CREBBP: variants seen among roughly 807,000 people sequenced by gnomAD.
The protein encoded by CREBBP is CREB binding lysine acetyltransferase, also known as CREB-binding protein.
Under a neutral mutation model 265.0 loss-of-function variants are expected in CREBBP, and 19 were observed. The ratio of observed to expected loss-of-function variants is 0.07; its 90% CI spans 0.05 to 0.11. The LOEUF (loss-of-function observed/expected upper bound fraction) is 0.11. Among genes scored for constraint, CREBBP ranks in the 10% least tolerant of loss-of-function variants. The probability of loss-of-function intolerance (pLI) is 1.00; values close to 1 mark genes in which losing one functional copy is unlikely to be tolerated. For missense variants in CREBBP, 2,525 were observed against 3,219.0 expected (o/e 0.78, Z 5.22); for synonymous variants, 1,457 against 1,223.7 (o/e 1.19, Z -3.98).
chr16:3,834,396 C>G (rs2054401735), intron 2 of CREBBP, among the ~76,000 whole-genome samples: 11 of 152,102 alleles, frequency 7.2e-5, no homozygotes, highest in Admixed American at 7.2e-4. Flanking sequence ...CATGAAAAGA[C>G]CCAGAGGAAC....
At chr16:3,792,697 G>A (rs578188866) in intron 4 of CREBBP, among the ~76,000 whole-genome samples, 2 of 152,380 alleles carry the variant, frequency 1.3e-5, no homozygotes, top group East Asian at 1.9e-4. Flanking sequence ...AGACCAGGGG[G>A]AGATTCCCCT....
intron 3 of CREBBP, among the ~76,000 whole-genome samples, chr16:3,808,536 C>T (rs2053876038): frequency 6.6e-6 from 1 of 152,224 alleles, no homozygotes; most frequent in South Asian, 2.1e-4. Flanking sequence ...AGGGAATGAG[C>T]AGCCTCTTTG....
chr16:3,727,634 A>C lies in CREBBP; in HGVS notation c.*84T>G. The C allele has an allele frequency of 1.2e-6, 2 of 1,611,368 alleles. No homozygotes were observed. Among genetic ancestry groups the C allele is most frequent in the Non-Finnish European group, 1.7e-6 (2 of 1,179,126 alleles). ...TGGCTCGGAAGTCGCAGTTCCATCTAGGAATAAAAAGAACCTAGATGCCTG... is the reference window on the plus strand; with the variant it reads ...TGGCTCGGAAGTCGCAGTTCCATCTCGGAATAAAAAGAACCTAGATGCCTG... On this transcript the variant is annotated 3_prime_UTR_variant, in exon 31 of 31. Coordinates refer to ENST00000262367, the MANE Select transcript of CREBBP (RefSeq NM_004380.3).
chr16:3,777,574 G>A, intron 11 of CREBBP, 39 bp downstream of exon 11: 4 of 1,607,452 alleles, frequency 2.5e-6, no homozygotes, highest in Non-Finnish European at 3.4e-6. Flanking sequence ...GCTGTTGAAT[G>A]TAAAACTAAA....
In CREBBP at chr16:3,727,570, T is replaced by C. The variant is rs1336264921; in HGVS notation, c.*148A>G. 2.4e-6 allele frequency: 3 copies of C among 1,245,442 alleles called. No individual in the cohort carries two copies. Among genetic ancestry groups the C allele is most frequent in the Non-Finnish European group, 3.2e-6 (3 of 945,966 alleles). The allele number at this position is 1,245,442 out of a possible 1,614,324, so 77.1% of individuals were successfully genotyped here. A position where few individuals can be genotyped will look rare whatever the true frequency, so the allele number is the denominator to read the frequency against. On this transcript the variant is annotated 3_prime_UTR_variant, in exon 31 of 31. Coordinates refer to ENST00000262367, the MANE Select transcript of CREBBP (RefSeq NM_004380.3). The stretch of plus-strand genomic sequence containing the variant: ...ACTGGTTTTTAACAAAAAAATATAT[T>C]CTTTGTATTGTTTCTTTAAACATCA...
intron 1 of CREBBP, among the ~76,000 whole-genome samples, chr16:3,852,670 A>C (rs1376937660): frequency 2.0e-5 from 3 of 152,212 alleles, no homozygotes; most frequent in African/African-American, 7.2e-5. Context: ...GGAAGATGAG[A>C]AGCACAGTGA....
At chr16:3,773,650 TG>T in intron 13 of CREBBP, 100 bp downstream of exon 13, 1 of 1,272,140 alleles carries the variant, frequency 7.9e-7, no homozygotes, top group Non-Finnish European at 1.1e-6. Flanking sequence ...ATGTGCATTC[TG>T]GAATTTTAAT....
At position 3,850,588 on chromosome 16, in the gene CREBBP, T is replaced by G. The variant is rs1336995849; in HGVS notation, c.507A>C (p.Ser169=). Residue 169 remains serine, a synonymous_variant, in exon 2 of 31, where the codon TCA becomes TCC. Transcript: ENST00000262367. ...TCATGCAGATACCAGGTCCAGTCTG[T>G]GACGTGGCAGGGCTGCTAGTCGCCA... ...VGLATSSPAT[S]QTGPGICMNA... 4.3e-6 allele frequency: 7 copies of G among 1,614,148 alleles called. No individual in the cohort carries two copies. Among genetic ancestry groups the G allele is most frequent in the Non-Finnish European group, 5.1e-6 (6 of 1,180,056 alleles).
intron 1 of CREBBP, among the ~76,000 whole-genome samples, chr16:3,872,469 G>A (rs1169932962): frequency 6.6e-6 from 1 of 152,172 alleles, no homozygotes; most frequent in Non-Finnish European, 1.5e-5. Context: ...CACAGGCACT[G>A]CTCCCAAGGC....
intron 14 of CREBBP, among the ~76,000 whole-genome samples, chr16:3,769,780 T>A (rs129998): frequency 0.014 from 2,108 of 152,288 alleles, 46 homozygotes; most frequent in African/African-American, 0.047. Context: ...CCAGCCTGTG[T>A]GAACGGTAGG....
At chr16:3,779,420 CA>C (rs2053223163) in intron 8 of CREBBP, among the ~76,000 whole-genome samples, 1 of 152,096 alleles carries the variant, frequency 6.6e-6, no homozygotes, top group South Asian at 2.1e-4. Flanking sequence ...ATAATCCTCC[CA>C]CCTCAGCCTC....
chr16:3,736,288 C>A (rs1241314483), intron 27 of CREBBP, 85 bp from the exon 28 acceptor site: 4 of 1,406,786 alleles, frequency 2.8e-6, no homozygotes, highest in Non-Finnish European at 4.0e-6. Flanking sequence ...CGCAAGCGTG[C>A]CCCTCACCAT....
chr16:3,798,751 G>C (rs1596959886), intron 3 of CREBBP, among the ~76,000 whole-genome samples: 1 of 152,224 alleles, frequency 6.6e-6, no homozygotes, highest in East Asian at 1.9e-4. Flanking sequence ...GAAGGCAGCA[G>C]CCACTCTGGA....
rs2151317239 is a variant in CREBBP, at chr16:3,731,412, T to C, written c.4952A>G (p.Asp1651Gly). 1 of 1,605,722 alleles carries C rather than the reference T, an allele frequency of 6.2e-7. No individual in the cohort carries two copies. Among genetic ancestry groups the C allele is most frequent in the Non-Finnish European group, 8.5e-7 (1 of 1,176,962 alleles). The stretch of plus-strand genomic sequence containing the variant: ...GTCACAGCTGAGCAGGGGGTCGGGG[T>C]CGACGATGGGGGGCAGGGTGTTGAT... Reference protein sequence around the residue: ...PVINTLPPIVDPDPLLSCDLM... With the variant: ...PVINTLPPIVGPDPLLSCDLM... Residue 1651 changes from aspartate to glycine, a missense_variant, in exon 30 of 31, where the codon GAC becomes GGC. Physicochemically the swap from Asp to Gly is moderately conservative, Grantham distance 94. This residue lies in a region of CREBBP where 37 missense variants were observed against 34.1 expected (regional missense o/e 1.09). Coordinates refer to ENST00000262367, the MANE Select transcript of CREBBP (RefSeq NM_004380.3). The surrounding 1 kb of genome is among the most constrained non-coding windows in gnomAD (Gnocchi z 7.7).
intron 2 of CREBBP, among the ~76,000 whole-genome samples, chr16:3,833,468 T>C (rs1402241634): frequency 1.3e-5 from 2 of 152,082 alleles, no homozygotes; most frequent in African/African-American, 4.8e-5. Context: ...AGGCAGAACA[T>C]TAAAGCCAGA....
At chr16:3,842,967 CAAAAAAAAAAAAA>C (rs59990532) in intron 2 of CREBBP, among the ~76,000 whole-genome samples, 3 of 65,214 alleles carry the variant, frequency 4.6e-5, no homozygotes, top group Admixed American at 1.8e-4. Context: ...ACTCCCATCT[CAAAAAAAAAAAAA>C]AAAAAAAAAA....
chr16:3,789,475 C>A (rs2053458629), intron 5 of CREBBP, among the ~76,000 whole-genome samples: 1 of 152,214 alleles, frequency 6.6e-6, no homozygotes, highest in Admixed American at 6.5e-5. Context: ...GCTGATTGCA[C>A]TGACTTGTCT....
chr16:3,849,246 TTCCAGCTGTCTCACATCTA>T (rs1474583229), intron 2 of CREBBP, among the ~76,000 whole-genome samples: 3 of 152,034 alleles, frequency 2.0e-5, no homozygotes, highest in African/African-American at 7.3e-5. Context: ...TCCTGGGCTT[TTCCAGCTGTCTCACATCTA>T]TCCAGGCATC....
At chr16:3,825,340 A>G (rs2141393353) in intron 2 of CREBBP, among the ~76,000 whole-genome samples, 1 of 152,344 alleles carries the variant, frequency 6.6e-6, no homozygotes, top group East Asian at 1.9e-4. Context: ...CCCTGCAATC[A>G]CACTACTTCA....
Sources: allele counts gnomAD v4.1 joint callset (sites outside exome capture counted in the v4.1 genomes callset), GRCh38; gene constraint gnomAD v4.1.1; regional missense constraint gnomAD v4.1.1; non-coding constraint Gnocchi (gnomAD v3.1); transcripts MANE v1.5; gene names NCBI Gene and HGNC (gene_info 2026-07-23, HGNC 2026-07-21).